Variants in ARK2C observed in about 807,000 individuals in gnomAD.
ARK2C encodes the protein E3 ubiquitin-protein ligase ARK2C.
the ARK2C span, among the ~76,000 whole-genome samples, chr18:46,384,225 C>T: frequency 6.6e-6 from 1 of 152,164 alleles, no homozygotes; most frequent in Non-Finnish European, 1.5e-5. Context: ...ATCTAGAATT[C>T]CACTCTGGTT....
chr18:46,459,386 G>C, the ARK2C span: 1 of 152,260 alleles, frequency 6.6e-6, no homozygotes, highest in Non-Finnish European at 1.5e-5. Flanking sequence ...ACATCTTCAA[G>C]GCGGCAGAGC....
the ARK2C span, among the ~76,000 whole-genome samples, chr18:46,406,935 G>A: frequency 6.6e-6 from 1 of 151,940 alleles, no homozygotes; most frequent in Non-Finnish European, 1.5e-5. Flanking sequence ...AAGGGTGGCT[G>A]TCTTTCCTGA....
the ARK2C span, among the ~76,000 whole-genome samples, chr18:46,353,384 A>T: frequency 6.6e-6 from 1 of 152,182 alleles, no homozygotes; most frequent in African/African-American, 2.4e-5. Context: ...CACCAGGTGC[A>T]ATGTCTGGGC....
chr18:46,370,966 C>T, the ARK2C span, among the ~76,000 whole-genome samples: 17 of 152,222 alleles, frequency 1.1e-4, 1 homozygote, highest in South Asian at 8.3e-4. Context: ...AAGACGTACG[C>T]GACACTGGGT....
chr18:46,363,945 C>CTTTTTTTTTTTTTTTTTTTTTTT, the ARK2C span, among the ~76,000 whole-genome samples: 1 of 125,578 alleles, frequency 8.0e-6, no homozygotes, highest in Non-Finnish European at 1.7e-5. Flanking sequence ...TTTTTCTTTT[C>CTTTTTTTTTTTTTTTTTTTTTTT]TTTTTTTTTT....
At chr18:46,380,520 AC>A in the ARK2C span, among the ~76,000 whole-genome samples, 1 of 152,180 alleles carries the variant, frequency 6.6e-6, no homozygotes, top group Admixed American at 6.5e-5. Context: ...TCAGGGCTCT[AC>A]CTGTGTGAAC....
the ARK2C span, among the ~76,000 whole-genome samples, chr18:46,372,298 C>T: frequency 1.3e-5 from 2 of 152,310 alleles, no homozygotes; most frequent in Non-Finnish European, 2.9e-5. Context: ...TGCACTCATC[C>T]AGCCACCCAC....
At chr18:46,358,755 C>T in the ARK2C span, among the ~76,000 whole-genome samples, 87 of 152,214 alleles carry the variant, frequency 5.7e-4, no homozygotes, top group Admixed American at 1.3e-3. Context: ...CAGCTTCTCA[C>T]CCCTTCCTTC....
chr18:46,334,871 A>G, the ARK2C span: 2 of 172,088 alleles, frequency 1.2e-5, no homozygotes, highest in East Asian at 1.5e-4. This position sits in a 1 kb window ranked among gnomAD's most constrained non-coding sequence, Gnocchi z 4.4. Context: ...TCTCTGCCCT[A>G]TCCCATGCCC....
At chr18:46,450,752 G>A in the ARK2C span, 2 of 1,614,018 alleles carry the variant, frequency 1.2e-6, no homozygotes, top group Non-Finnish European at 1.7e-6. Flanking sequence ...TCGGGGAGCT[G>A]TACAGAACAC....
chr18:46,439,061 A>T, the ARK2C span, among the ~76,000 whole-genome samples: 1 of 152,204 alleles, frequency 6.6e-6, no homozygotes. Context: ...AGTGACTGGC[A>T]GTCCTTCCTG....
chr18:46,339,173 A>G, the ARK2C span, among the ~76,000 whole-genome samples: 1 of 152,110 alleles, frequency 6.6e-6, no homozygotes, highest in African/African-American at 2.4e-5. Context: ...CTTCTTTTTA[A>G]ATTTTCATTT....
At chr18:46,383,784 C>T in the ARK2C span, among the ~76,000 whole-genome samples, 1 of 152,028 alleles carries the variant, frequency 6.6e-6, no homozygotes, top group Non-Finnish European at 1.5e-5. Flanking sequence ...TTGATCTGAC[C>T]TCGTGATCCG....
At chr18:46,342,433 G>A in the ARK2C span, among the ~76,000 whole-genome samples, 1 of 152,352 alleles carries the variant, frequency 6.6e-6, no homozygotes, top group African/African-American at 2.4e-5. Context: ...AGCTTCGAGG[G>A]GGTCTAGACC....
the ARK2C span, among the ~76,000 whole-genome samples, chr18:46,437,987 C>T: frequency 1.3e-5 from 2 of 152,160 alleles, no homozygotes; most frequent in African/African-American, 2.4e-5. Flanking sequence ...CTGGAGTCAC[C>T]CATAGGATGG....
chr18:46,337,567 C>T, the ARK2C span: 17 of 984,802 alleles, frequency 1.7e-5, no homozygotes, highest in East Asian at 8.0e-4. Flanking sequence ...TTTTTTGTAT[C>T]GTGTGCATGA....
At chr18:46,360,305 G>T in the ARK2C span, among the ~76,000 whole-genome samples, 2 of 152,276 alleles carry the variant, frequency 1.3e-5, no homozygotes, top group South Asian at 4.1e-4. Flanking sequence ...TCATGTGTTT[G>T]TGGCCAGCCA....
the ARK2C span, among the ~76,000 whole-genome samples, chr18:46,361,286 T>A: frequency 6.6e-6 from 1 of 152,192 alleles, no homozygotes; most frequent in Non-Finnish European, 1.5e-5. Flanking sequence ...AAAGTGAAAT[T>A]TCAACTGAAT....
chr18:46,432,418 A>C, the ARK2C span, among the ~76,000 whole-genome samples: 2 of 152,150 alleles, frequency 1.3e-5, no homozygotes, highest in Admixed American at 1.3e-4. Flanking sequence ...ATGCAAAACA[A>C]CTTCTGGTTG....
Sources: gnomAD v4.1 joint callset for allele counts (sites outside exome capture counted in the v4.1 genomes callset) on GRCh38, gnomAD v4.1.1 for gene constraint, Gnocchi (gnomAD v3.1) non-coding constraint, MANE v1.5 for transcripts, NCBI Gene and HGNC (gene_info 2026-07-23, HGNC 2026-07-21) for gene names.